Variants in NRXN1 observed in about 807,000 individuals in gnomAD.
NRXN1 encodes neurexin 1.
NRXN1 carries 39 observed loss-of-function variants against 150.9 expected under a neutral mutation model. That is an observed-to-expected ratio of 0.26 (90% confidence interval 0.20 to 0.34). The LOEUF (loss-of-function observed/expected upper bound fraction) is 0.34, where lower values mean the gene tolerates loss of function less well. NRXN1 is among the 10% of genes least tolerant of loss of function. The pLI is 1.00. For synonymous variants in NRXN1, 924 were observed against 757.0 expected, an observed-to-expected ratio of 1.22 and a Z score of -3.62; for missense variants, 1,815 against 1,949.9, an observed-to-expected ratio of 0.93 and a Z score of 1.30.
chr2:50,296,881 CTTTTTT>C (rs4032054), intron 17 of NRXN1, among the ~76,000 whole-genome samples: 2 of 112,948 alleles, frequency 1.8e-5, no homozygotes, highest in Non-Finnish European at 1.9e-5. Context: ...TTCTTTCTTT[CTTTTTT>C]TTTTTTTTTT....
At chr2:50,775,227 C>A (rs920223114) in intron 5 of NRXN1, among the ~76,000 whole-genome samples, 5 of 152,038 alleles carry the variant, frequency 3.3e-5, no homozygotes, top group African/African-American at 1.2e-4. Flanking sequence ...TACAGCATTC[C>A]CAGTTGAATA....
chr2:50,643,569 T>G (rs893626998), intron 5 of NRXN1, among the ~76,000 whole-genome samples: 1 of 151,954 alleles, frequency 6.6e-6, no homozygotes, highest in African/African-American at 2.4e-5. Flanking sequence ...ATGCATTTAG[T>G]GTTTATCCAT....
rs1390531380 is a variant in NRXN1, at chr2:50,329,654, TATATATATATATATATATA to T, written c.3365-92703_3365-92685del. Reference sequence around the variant, plus strand: ...ATATATATATATATATATATATATATATATATATATATATATATATTTTTTTTTTTCCCCCCCGAGACGG... The same window carrying T: ...ATATATATATATATATATATATATATTTTTTTTTTTTCCCCCCCGAGACGG... On this transcript the variant is annotated intron_variant, in intron 17 of 22. Coordinates refer to ENST00000401669, the MANE Select transcript of NRXN1 (RefSeq NM_001330078.2). Among the ~76,000 whole-genome samples, 101 of 13,184 alleles carry T rather than the reference TATATATATATATATATATA, an allele frequency of 7.7e-3. 2 individuals carry two copies. The highest frequency in any genetic ancestry group is 0.046 in the East Asian group (6 of 130). 8.6% of individuals were successfully genotyped at this position (13,184 alleles called of 152,430 possible).
intron 5 of NRXN1, among the ~76,000 whole-genome samples, chr2:50,744,981 GC>G (rs1197270660): frequency 6.6e-6 from 1 of 152,038 alleles, no homozygotes; most frequent in East Asian, 1.9e-4. Context: ...TTCACATGCT[GC>G]CCTCTCAGTG....
intron 5 of NRXN1, among the ~76,000 whole-genome samples, chr2:50,653,670 C>T (rs1685962276): frequency 6.6e-6 from 1 of 151,970 alleles, no homozygotes. Context: ...TTCAAATGTA[C>T]CTTGATTTAA....
intron 18 of NRXN1, among the ~76,000 whole-genome samples, chr2:50,191,758 A>C (rs373451494): frequency 6.6e-6 from 1 of 152,210 alleles, no homozygotes; most frequent in South Asian, 2.1e-4. Context: ...GTGTATCAAT[A>C]GTTTATTCCT....
intron 2 of NRXN1, among the ~76,000 whole-genome samples, chr2:50,992,103 A>G (rs1387439930): frequency 2.0e-5 from 3 of 152,026 alleles, no homozygotes; most frequent in Non-Finnish European, 4.4e-5. Flanking sequence ...CAGAGACAGA[A>G]AGAGAGAGAG....
intron 19 of NRXN1, among the ~76,000 whole-genome samples, chr2:50,073,798 G>A (rs1431230272): frequency 6.6e-6 from 1 of 152,202 alleles, no homozygotes; most frequent in Non-Finnish European, 1.5e-5. Context: ...TGAGCATTCT[G>A]ATTAGAAACA....
At chr2:50,535,502 T>C (rs543576035) in intron 10 of NRXN1, among the ~76,000 whole-genome samples, 1 of 152,312 alleles carries the variant, frequency 6.6e-6, no homozygotes, top group South Asian at 2.1e-4. Flanking sequence ...CCTCCATCTG[T>C]TAGAATTTAA....
intron 21 of NRXN1, among the ~76,000 whole-genome samples, chr2:50,019,641 CAAAAA>C (rs764073226): frequency 7.8e-5 from 2 of 25,552 alleles, no homozygotes; most frequent in Non-Finnish European, 6.4e-5. Flanking sequence ...GATTCCGTCT[CAAAAA>C]AAAAAAAAAA....
chr2:50,620,732 G>A (rs943952895), intron 7 of NRXN1, among the ~76,000 whole-genome samples: 4 of 152,180 alleles, frequency 2.6e-5, no homozygotes, highest in Admixed American at 2.0e-4. Flanking sequence ...ACACGCTGAT[G>A]TGCACATGCA....
chr2:50,511,623 G>C (rs1338504887), intron 12 of NRXN1, among the ~76,000 whole-genome samples: 1 of 152,150 alleles, frequency 6.6e-6, no homozygotes, highest in Non-Finnish European at 1.5e-5. Context: ...AGTGTAAATT[G>C]AGTGTTCTTC....
intron 6 of NRXN1, among the ~76,000 whole-genome samples, chr2:50,621,670 C>T (rs1680048102): frequency 1.3e-5 from 2 of 152,118 alleles, no homozygotes; most frequent in African/African-American, 2.4e-5. Context: ...CCTCCTCCAC[C>T]CTGGCCCACC....
chr2:50,101,138 C>A (rs936586428), intron 18 of NRXN1, among the ~76,000 whole-genome samples: 2 of 151,524 alleles, frequency 1.3e-5, no homozygotes, highest in African/African-American at 4.8e-5. Context: ...CTTTAAAGAC[C>A]CTTGTTGGAA....
intron 5 of NRXN1, among the ~76,000 whole-genome samples, chr2:50,835,428 G>A (rs1442059703): frequency 2.0e-5 from 3 of 151,912 alleles, no homozygotes; most frequent in East Asian, 1.9e-4. Context: ...AAAATATTTT[G>A]ATATTTATTT....
intron 19 of NRXN1, among the ~76,000 whole-genome samples, chr2:50,057,648 C>T (rs957111475): frequency 6.6e-6 from 1 of 152,150 alleles, no homozygotes; most frequent in Non-Finnish European, 1.5e-5. Flanking sequence ...ACATACAATC[C>T]TATTAATATC....
chr2:50,968,377 C>T (rs1449515189), intron 2 of NRXN1, among the ~76,000 whole-genome samples: 4 of 152,066 alleles, frequency 2.6e-5, no homozygotes, highest in Non-Finnish European at 5.9e-5. Context: ...TAATATCAGC[C>T]ATTAATAACT....
intron 5 of NRXN1, among the ~76,000 whole-genome samples, chr2:50,880,468 A>C (rs572556625): frequency 4.6e-5 from 7 of 152,004 alleles, no homozygotes; most frequent in Non-Finnish European, 8.8e-5. Flanking sequence ...TTAGCATATA[A>C]GCTCTATTAA....
At chr2:50,554,979 T>A (rs1043868649) in intron 8 of NRXN1, among the ~76,000 whole-genome samples, 3 of 152,198 alleles carry the variant, frequency 2.0e-5, no homozygotes, top group Non-Finnish European at 4.4e-5. Flanking sequence ...AAGAGAAAGA[T>A]CTATTAAGTC....
Sources: allele counts gnomAD v4.1 joint callset (sites outside exome capture counted in the v4.1 genomes callset), GRCh38; gene constraint gnomAD v4.1.1; transcripts MANE v1.5; gene names NCBI Gene and HGNC (gene_info 2026-07-23, HGNC 2026-07-21).